Variants in CABCOCO1 observed in about 807,000 individuals in gnomAD.
CABCOCO1 encodes the protein ciliary-associated calcium-binding coiled-coil protein 1.
CABCOCO1 carries 28 observed loss-of-function variants against 35.7 expected under a neutral mutation model. The observed-to-expected ratio is 0.78, with a 90% CI of 0.58 to 1.07. The LOEUF is 1.07. CABCOCO1 is among the 50% of genes least tolerant of loss of function. The probability of loss-of-function intolerance (pLI) is 0.00; values close to 1 mark genes in which losing one functional copy is unlikely to be tolerated. For missense variants in CABCOCO1, 326 were observed against 309.2 expected (o/e 1.05, Z -0.41); for synonymous variants, 95 against 100.1 (o/e 0.95, Z 0.30).
intron 2 of CABCOCO1, among the ~76,000 whole-genome samples, chr10:61,680,162 A>C (rs1034482221): frequency 2.0e-4 from 31 of 151,258 alleles, no homozygotes; most frequent in Middle Eastern, 3.4e-3. Context: ...AATACAAAAA[A>C]TTAGTCTGGC....
Position 61,734,975 on chromosome 10 carries a change from T to C in CABCOCO1, c.553-25084T>C, listed in dbSNP as rs769334438. Reference sequence around the variant, plus strand: ...CTAAAAGTAACCTTAAAATGTTAAATAAAATTTGCTTAGTACTGCGCATTC... The same window carrying C: ...CTAAAAGTAACCTTAAAATGTTAAACAAAATTTGCTTAGTACTGCGCATTC... On this transcript the variant is annotated intron_variant, in intron 5 of 7. Transcript: ENST00000648843. Among the ~76,000 whole-genome samples, 10 of 152,266 alleles carry C rather than the reference T, an allele frequency of 6.6e-5. No homozygotes were observed. The South Asian group carries it at 1.4e-3, about 22-fold the overall frequency.
At chr10:61,682,474 G>A (rs1011503194) in intron 3 of CABCOCO1, among the ~76,000 whole-genome samples, 2 of 152,172 alleles carry the variant, frequency 1.3e-5, no homozygotes, top group Non-Finnish European at 2.9e-5. Flanking sequence ...ACTTCAACTA[G>A]GTAGCAGTAG....
intron 5 of CABCOCO1, among the ~76,000 whole-genome samples, chr10:61,709,988 A>G (rs1840689015): frequency 6.6e-6 from 1 of 152,078 alleles, no homozygotes; most frequent in Non-Finnish European, 1.5e-5. Context: ...TCATAAAAAT[A>G]AACACTTTAC....
At chr10:61,678,714 C>A (rs1386379323) in intron 2 of CABCOCO1, among the ~76,000 whole-genome samples, 2 of 152,052 alleles carry the variant, frequency 1.3e-5, no homozygotes, top group African/African-American at 4.8e-5. Context: ...TTCACTCTTT[C>A]TTATTTTTAT....
intron 5 of CABCOCO1, among the ~76,000 whole-genome samples, chr10:61,698,106 A>C (rs1840342826): frequency 6.6e-6 from 1 of 152,164 alleles, no homozygotes; most frequent in Admixed American, 6.6e-5. Context: ...GTATTTTCAA[A>C]GGTTATATCC....
At chr10:61,710,822 A>T (rs894031419) in intron 5 of CABCOCO1, among the ~76,000 whole-genome samples, 6 of 151,800 alleles carry the variant, frequency 4.0e-5, no homozygotes, top group Non-Finnish European at 8.8e-5. Context: ...GATCAAGAGG[A>T]CAAGATTACA....
intron 5 of CABCOCO1, among the ~76,000 whole-genome samples, chr10:61,739,072 G>T (rs1398623996): frequency 6.6e-6 from 1 of 151,800 alleles, no homozygotes; most frequent in African/African-American, 2.4e-5. Flanking sequence ...TTTTTAATAG[G>T]GATCTGCAAG....
Position 61,690,574 on chromosome 10 carries a change from G to C in CABCOCO1, c.505G>C (p.Glu169Gln). 1.2e-6 allele frequency: 2 copies of C among 1,606,300 alleles called. No homozygotes were observed. The highest frequency in any genetic ancestry group is 1.7e-6 in the Non-Finnish European group (2 of 1,174,188). The change falls in exon 5 of 8, where the codon GAG becomes CAG. Residue 169 changes from glutamate to glutamine, a missense_variant. Coordinates refer to ENST00000648843, the MANE Select transcript of CABCOCO1 (RefSeq NM_001366906.2). ...ISLFQHYKLY[E>Q]FMFYSAREEI... Reference sequence around the variant, plus strand: ...CTTATTTCAACACTACAAGCTATACGAGTTTATGTTCTACTCTGCCAGGGA... The same window carrying C: ...CTTATTTCAACACTACAAGCTATACCAGTTTATGTTCTACTCTGCCAGGGA...
In CABCOCO1 at chr10:61,747,273, A is replaced by C. The variant is rs201333899; in HGVS notation, c.553-12786A>C. Reference sequence around the variant, plus strand: ...ATTGGTGTGGTAATATTACCTTCCCAGTCATTTCATAGCATTTACACAGCA... The same window carrying C: ...ATTGGTGTGGTAATATTACCTTCCCCGTCATTTCATAGCATTTACACAGCA... On this transcript the variant is annotated intron_variant, in intron 5 of 7. Coordinates refer to ENST00000648843, the MANE Select transcript of CABCOCO1 (RefSeq NM_001366906.2). 1.1e-4 allele frequency among the ~76,000 whole-genome samples: 16 copies of C among 152,302 alleles called. No homozygotes were observed. The East Asian group carries it at 3.1e-3, about 29-fold the overall frequency.
chr10:61,683,081 G>T (rs1839847972), intron 3 of CABCOCO1, among the ~76,000 whole-genome samples: 2 of 151,900 alleles, frequency 1.3e-5, no homozygotes, highest in South Asian at 4.1e-4. Flanking sequence ...AGTACAGACG[G>T]GGTTTCGCCA....
intron 5 of CABCOCO1, among the ~76,000 whole-genome samples, chr10:61,747,107 C>A (rs1313565470): frequency 6.6e-6 from 1 of 152,020 alleles, no homozygotes; most frequent in African/African-American, 2.4e-5. Flanking sequence ...ATAGAAAAAT[C>A]GATCTGACAA....
At chr10:61,760,218 A>ATCATTATATT in intron 6 of CABCOCO1, 37 bp downstream of exon 6, 5 of 1,596,392 alleles carry the variant, frequency 3.1e-6, no homozygotes, top group Non-Finnish European at 4.3e-6. Context: ...ACCCTACCTC[A>ATCATTATATT]TCATTATATT....
chr10:61,711,565 T>C (rs1441803993), intron 5 of CABCOCO1, among the ~76,000 whole-genome samples: 5 of 152,010 alleles, frequency 3.3e-5, no homozygotes, highest in Non-Finnish European at 7.4e-5. Flanking sequence ...CTTTTAACAA[T>C]TGATAAAGAC....
intron 5 of CABCOCO1, among the ~76,000 whole-genome samples, chr10:61,750,396 T>C (rs941200471): frequency 1.3e-5 from 2 of 152,070 alleles, no homozygotes; most frequent in Non-Finnish European, 2.9e-5. Flanking sequence ...GCCAACATGG[T>C]GAAGCACTGT....
At chr10:61,719,723 C>G (rs1388509550) in intron 5 of CABCOCO1, among the ~76,000 whole-genome samples, 2 of 151,928 alleles carry the variant, frequency 1.3e-5, no homozygotes, top group Non-Finnish European at 2.9e-5. Flanking sequence ...AGTTCAAGAC[C>G]AACCTGGCCA....
At chr10:61,734,522 A>G (rs1039849179) in intron 5 of CABCOCO1, among the ~76,000 whole-genome samples, 2 of 152,060 alleles carry the variant, frequency 1.3e-5, no homozygotes, top group African/African-American at 2.4e-5. Context: ...AGGGGGAAAA[A>G]AAAAACACTA....
intron 5 of CABCOCO1, among the ~76,000 whole-genome samples, chr10:61,726,896 GAAAAAAAA>G (rs947127512): frequency 3.4e-5 from 3 of 88,660 alleles, no homozygotes; most frequent in African/African-American, 1.2e-4. Flanking sequence ...CGTCTCTACA[GAAAAAAAA>G]AAAAAAAAAA....
At chr10:61,710,984 C>T (rs1016849355) in intron 5 of CABCOCO1, among the ~76,000 whole-genome samples, 33 of 151,570 alleles carry the variant, frequency 2.2e-4, no homozygotes, top group African/African-American at 6.5e-4. Flanking sequence ...AAACTTATAG[C>T]TAAAAATCAA....
chr10:61,678,450 T>TG lies in CABCOCO1; in HGVS notation c.165-2692dup, dbSNP rs765794542. On this transcript the variant is annotated intron_variant, in intron 2 of 7. Transcript: ENST00000648843. ...GGATGTCTATATCTGCCAGTTGAGG[T>TG]GAATGCCTGAAAAAATGTGTCAAAA... is the stretch of plus-strand genomic sequence containing the variant. 4.6e-5 allele frequency among the ~76,000 whole-genome samples: 7 copies of TG among 152,112 alleles called. No individual in the cohort carries two copies. The East Asian group carries it at 7.7e-4, about 17-fold the overall frequency.
Sources: gnomAD v4.1 joint callset for allele counts (sites outside exome capture counted in the v4.1 genomes callset) on GRCh38, gnomAD v4.1.1 for gene constraint, MANE v1.5 for transcripts, NCBI Gene and HGNC (gene_info 2026-07-23, HGNC 2026-07-21) for gene names.